TIMM17B: variants seen among roughly 807,000 people sequenced by gnomAD.
The protein encoded by TIMM17B is translocase of inner mitochondrial membrane 17B, also known as mitochondrial import inner membrane translocase subunit Tim17-B.
Under a neutral mutation model 15.9 loss-of-function variants are expected in TIMM17B, and 10 were observed. The ratio of observed to expected loss-of-function variants is 0.63; its 90% confidence interval spans 0.39 to 1.06. TIMM17B has a LOEUF of 1.06. TIMM17B is among the 50% of genes least tolerant of loss of function. The probability of loss-of-function intolerance (pLI) is 0.01; values close to 1 mark genes in which losing one functional copy is unlikely to be tolerated. For missense variants in TIMM17B, 114 were observed against 152.2 expected (o/e 0.75, Z 1.32); for synonymous variants, 57 against 57.2 (o/e 1.00, Z 0.02).
At chrX:48,897,515 G>A in intron 2 of TIMM17B, 1 of 440,369 alleles carries the variant, frequency 2.3e-6, no homozygotes, top group East Asian at 3.8e-5. Flanking sequence ...GAAACATGGC[G>A]TGGTTCGGCC....
chrX:48,894,332 C>T (rs2063297881), intron 4 of TIMM17B, 107 bp from the exon 4 acceptor site: 3 of 877,556 alleles, frequency 3.4e-6, no homozygotes, highest in Admixed American at 5.7e-5. Context: ...GAGAAAAACC[C>T]AGACACAAAG....
At chrX:48,897,950 G>A (rs1557040017) in intron 1 of TIMM17B, 182 bp from the exon 1 acceptor site, 1 of 870,704 alleles carries the variant, frequency 1.1e-6, no homozygotes, top group African/African-American at 2.0e-5. Context: ...CAGGCTCGGG[G>A]AGTGAAGGCC....
chrX:48,896,967 T>A (rs1312871908), intron 2 of TIMM17B, 109 bp from the exon 2 acceptor site: 1 of 1,141,625 alleles, frequency 8.8e-7, no homozygotes, highest in African/African-American at 1.8e-5. Context: ...GGGAAGTTCC[T>A]AAGTAGGAAC....
rs782624478 is a variant in TIMM17B, at chrX:48,893,769, G to T, written c.479C>A (p.Thr160Asn). ...ATAGCTGGGGTAGCCTGGGGCCGGG[G>T]TGCCATCCTTAGGGGGCAGCTGGCT... The change falls in exon 7 of 7, where the codon ACC (threonine) becomes AAC (asparagine). Residue 160 changes from threonine (T) to asparagine (N), a missense_variant. Transcript: ENST00000376582. The T allele has an allele frequency of 5.3e-4, 617 of 1,167,910 alleles. 4 individuals are homozygous for T. In the South Asian group the frequency reaches 9.3e-3, roughly 18 times the overall value.
intron 3 of TIMM17B, 60 bp downstream of exon 2, chrX:48,896,699 A>G: frequency 8.3e-7 from 1 of 1,201,717 alleles, no homozygotes; most frequent in East Asian, 3.0e-5. Flanking sequence ...TTTTCAGAGC[A>G]GCCTCCCTTG....
rs1557039259 is a variant in TIMM17B, at chrX:48,895,114, A to AG, written c.127-14dup. The stretch of plus-strand genomic sequence containing the variant: ...GGTGCCGAATTCCCTGGGGAAAGGA[A>AG]GGAAGGGCGTTAGGGCAGGGCTGAA... On this transcript the variant is annotated splice_polypyrimidine_tract_variant and intron_variant, in intron 3 of 6. Coordinates refer to ENST00000376582, the Ensembl canonical transcript of TIMM17B. 1 of 1,187,734 alleles carries AG rather than the reference A, an allele frequency of 8.4e-7. No homozygotes were observed. The highest frequency in any genetic ancestry group is 2.3e-5 in the Admixed American group (1 of 43,327).
At chrX:48,895,574 A>G (rs1416915735) in intron 3 of TIMM17B, 2 of 489,589 alleles carry the variant, frequency 4.1e-6, no homozygotes, top group Non-Finnish European at 7.3e-6. Flanking sequence ...AGGAGGGGGA[A>G]TCTGTGCTGA....
intron 3 of TIMM17B, 168 bp downstream of exon 2, chrX:48,896,591 A>G: frequency 2.9e-6 from 3 of 1,030,337 alleles, no homozygotes; most frequent in Non-Finnish European, 3.8e-6. Flanking sequence ...CATGTTTGCA[A>G]TCCCTACAAA....
chrX:48,897,179 G>T (rs1858097353), intron 2 of TIMM17B: 1 of 332,155 alleles, frequency 3.0e-6, no homozygotes, highest in Admixed American at 4.8e-5. Context: ...CGACATAGGC[G>T]TGTTAACTAG....
exon 5 of TIMM17B, chrX:48,894,122 C>T (rs2063296491): frequency 2.5e-6 from 3 of 1,200,420 alleles, no homozygotes; most frequent in South Asian, 1.8e-5. Context: ...CAGCCCCGGT[C>T]AATGCTCCAC....
chrX:48,897,924 G>T, intron 1 of TIMM17B, 156 bp from the exon 1 acceptor site: 1 of 881,749 alleles, frequency 1.1e-6, no homozygotes, highest in Non-Finnish European at 1.5e-6. Flanking sequence ...CCTCCTGAGC[G>T]TAGTCCAGTT....
chrX:48,897,893 G>T, intron 1 of TIMM17B, 125 bp from the exon 1 acceptor site: 1 of 973,794 alleles, frequency 1.0e-6, no homozygotes, highest in Non-Finnish European at 1.4e-6. Context: ...GGCCAATCGA[G>T]TTTCTGCCAT....
chrX:48,894,195 G>C lies in TIMM17B; in HGVS notation c.221C>G (p.Ser74Cys). The change falls in exon 5 of 7, where the codon TCC (serine) becomes TGC (cysteine). Residue 74 changes from serine (S) to cysteine (C), a missense_variant. Ser to Cys is a moderately radical substitution (Grantham distance 112, BLOSUM62 -1). Transcript: ENST00000376582. The stretch of plus-strand genomic sequence containing the variant: ...CCGCACCAGGCCACAGTCGATGGTG[G>C]AGAACAGGCCCCCCCACACTGCGAA... 5.0e-6 allele frequency: 6 copies of C among 1,208,784 alleles called. No homozygotes were observed. The highest frequency in any genetic ancestry group is 6.7e-6 in the Non-Finnish European group (6 of 893,666).
chrX:48,897,701 G>C, intron 2 of TIMM17B, 23 bp downstream of exon 1: 1 of 1,183,841 alleles, frequency 8.4e-7, no homozygotes, highest in East Asian at 3.0e-5. Flanking sequence ...CAATATTCCG[G>C]ATGCCTGTGC....
At chrX:48,893,658 C>A (rs782397248) in exon 7 of TIMM17B, 2 of 900,592 alleles carry the variant, frequency 2.2e-6, no homozygotes. Flanking sequence ...TAACTGGGAG[C>A]CAGCCCTCCC....
chrX:48,896,659 T>C, intron 3 of TIMM17B, 100 bp downstream of exon 2: 2 of 1,155,255 alleles, frequency 1.7e-6, no homozygotes, highest in East Asian at 6.4e-5. Context: ...CCAGAATGAA[T>C]AAGTGCACGT....
chrX:48,897,410 G>T, intron 2 of TIMM17B: 1 of 313,916 alleles, frequency 3.2e-6, no homozygotes, highest in Non-Finnish European at 5.6e-6. Flanking sequence ...GGCAACTCTG[G>T]GGATTTCCGG....
Position 48,894,119 on chromosome X carries a change from G to A in TIMM17B, c.297C>T (p.Thr99=), listed in dbSNP as rs782626888. Residue 99 remains threonine, a synonymous_variant, in exon 5 of 7, where the codon ACC becomes ACT. Transcript: ENST00000376582. ...CACTGCGGGCAGCCAGCACAGCCCC[G>A]GTCAATGCTCCACTGGTGATAGAGT... 4.1e-5 allele frequency: 49 copies of A among 1,198,084 alleles called. No homozygotes were observed. The South Asian group carries it at 6.3e-4, about 15-fold the overall frequency.
intron 3 of TIMM17B, chrX:48,896,123 G>A (rs1343024283): frequency 1.1e-5 from 1 of 92,558 alleles, no homozygotes; most frequent in Non-Finnish European, 2.0e-5. Flanking sequence ...CTGCACGCCA[G>A]CCTGGGCAAC....
Sources: gnomAD v4.1 joint callset for allele counts on GRCh38, gnomAD v4.1.1 for gene constraint, MANE v1.5 for transcripts, NCBI Gene and HGNC (gene_info 2026-07-23, HGNC 2026-07-21) for gene names.